The following LMLN variants were observed in gnomAD, a reference collection of about 807,000 sequenced individuals.
LMLN encodes the protein leishmanolysin-like peptidase.
Under a neutral mutation model 92.3 loss-of-function variants are expected in LMLN, and 70 were observed. That is an observed-to-expected ratio of 0.76 (90% CI 0.63 to 0.92). The LOEUF (loss-of-function observed/expected upper bound fraction) is 0.92, where lower values mean the gene tolerates loss of function less well. Among genes scored for constraint, LMLN ranks in the 40% least tolerant of loss-of-function variants. The probability of loss-of-function intolerance (pLI) is 0.00; values close to 1 mark genes in which losing one functional copy is unlikely to be tolerated. For synonymous variants in LMLN, 308 were observed against 296.2 expected (o/e 1.04, Z -0.41); for missense variants, 691 against 814.6 (o/e 0.85, Z 1.85).
chr3:198,013,215 C>T (rs1722503513), intron 11 of LMLN, among the ~76,000 whole-genome samples: 2 of 112,586 alleles, frequency 1.8e-5, no homozygotes, highest in African/African-American at 1.0e-4. Context: ...CCCTTCAGAG[C>T]CCCTTAACTA....
At chr3:198,027,668 A>C (rs1011460840) in intron 14 of LMLN, among the ~76,000 whole-genome samples, 4 of 152,178 alleles carry the variant, frequency 2.6e-5, no homozygotes, top group Admixed American at 2.6e-4. Flanking sequence ...GTTCATCCAC[A>C]TTGTGCCATG....
At chr3:198,011,123 A>ATT (rs950454479) in intron 11 of LMLN, among the ~76,000 whole-genome samples, 1 of 148,348 alleles carries the variant, frequency 6.7e-6, no homozygotes, top group Non-Finnish European at 1.5e-5. Context: ...TAAGTTTTTT[A>ATT]TTTTTTTTTA....
exon 16 of LMLN, chr3:198,043,696 C>A (rs1454801602): frequency 6.6e-6 from 1 of 152,460 alleles, no homozygotes; most frequent in East Asian, 1.9e-4. Context: ...TAGAAAAACA[C>A]AACTTTAATA....
chr3:198,033,909 ATTGT>A (rs901863828), intron 14 of LMLN, among the ~76,000 whole-genome samples: 6 of 152,214 alleles, frequency 3.9e-5, no homozygotes, highest in African/African-American at 9.7e-5. Flanking sequence ...GTCACACTTC[ATTGT>A]TTGTTTTTGT....
intron 15 of LMLN, among the ~76,000 whole-genome samples, chr3:198,037,118 CA>C: frequency 6.6e-6 from 1 of 152,156 alleles, no homozygotes; most frequent in Non-Finnish European, 1.5e-5. Flanking sequence ...GTTGGTTCAC[CA>C]GAAGGACTCA....
rs1376151403 is a variant in LMLN at position 197,991,495 on chromosome 3, A to G, written c.1047+819A>G. On this transcript the variant is annotated intron_variant, in intron 9 of 15. Coordinates refer to ENST00000330198, the Ensembl canonical transcript of LMLN. Reference sequence around the variant, plus strand: ...GGATAGGCCAGCAGGCTGGAGACTCAGGGGATTGTTGCCCTTGGAGTCCAA... The same window carrying G: ...GGATAGGCCAGCAGGCTGGAGACTCGGGGGATTGTTGCCCTTGGAGTCCAA... Among the ~76,000 whole-genome samples the G allele has an allele frequency of 3.9e-5, 6 of 152,268 alleles. No homozygotes were observed. The East Asian group carries it at 9.7e-4, about 25-fold the overall frequency.
chr3:197,982,041 G>A (rs1721571789), intron 6 of LMLN, among the ~76,000 whole-genome samples: 1 of 152,008 alleles, frequency 6.6e-6, no homozygotes, highest in Admixed American at 6.6e-5. Context: ...CCTGACCTCA[G>A]GTGATCTGCC....
At chr3:197,961,314 T>C (rs1246996518) in intron 1 of LMLN, among the ~76,000 whole-genome samples, 2 of 152,156 alleles carry the variant, frequency 1.3e-5, no homozygotes, top group African/African-American at 4.8e-5. Flanking sequence ...CCATATTCTT[T>C]GAGAAAGGGA....
intron 13 of LMLN, among the ~76,000 whole-genome samples, chr3:198,023,114 A>C (rs1399285308): frequency 6.6e-6 from 1 of 152,168 alleles, no homozygotes; most frequent in East Asian, 1.9e-4. Flanking sequence ...AAGCAGTTAC[A>C]GACAGTATGT....
chr3:198,027,619 T>C (rs1394099422), intron 14 of LMLN, among the ~76,000 whole-genome samples: 1 of 152,208 alleles, frequency 6.6e-6, no homozygotes, highest in Non-Finnish European at 1.5e-5. Context: ...GTTTGTCCTT[T>C]TGTACCTGAC....
rs767458777 is a variant in LMLN, at chr3:198,035,825, G to A, written c.1657-8G>A. On this transcript the variant is annotated splice_region_variant and splice_polypyrimidine_tract_variant and intron_variant, in intron 14 of 15. Coordinates refer to ENST00000330198, the Ensembl canonical transcript of LMLN. The stretch of plus-strand genomic sequence containing the variant: ...ATTTTTATATATCTATTTTTTTCCT[G>A]TTTGAAGGTTTCTTGTTCTCCTCAA... 2 of 1,605,516 alleles carry A rather than the reference G, an allele frequency of 1.2e-6. No homozygotes were observed. Among genetic ancestry groups the A allele is most frequent in the East Asian group, 2.2e-5 (1 of 44,850 alleles).
intron 8 of LMLN, among the ~76,000 whole-genome samples, chr3:197,987,451 G>T (rs1721745841): frequency 1.3e-5 from 2 of 151,792 alleles, no homozygotes; most frequent in South Asian, 2.1e-4. Flanking sequence ...GAGCCACCGC[G>T]CCCGGCCAAA....
At position 198,039,034 on chromosome 3, in the gene LMLN, ACCAACCACTTTCATCTGCAAC is replaced by A. The variant is rs371850668; in HGVS notation, c.*383_*403del. ...AGCAACCCAACCACCTCATCAGCAA[ACCAACCACTTTCATCTGCAAC>A]CCAACCACTTTCATCAGCAACTCAA... On this transcript the variant is annotated 3_prime_UTR_variant, in exon 16 of 16. Transcript: ENST00000330198. The A allele has an allele frequency of 7.3e-3, 1,502 of 206,860 alleles. 24 individuals are homozygous for A. The highest frequency in any genetic ancestry group is 0.033 in the African/African-American group (1,422 of 43,084). 12.8% of individuals were successfully genotyped at this position (206,860 alleles called of 1,614,324 possible). A position where few individuals can be genotyped will look rare whatever the true frequency, so the allele number is the denominator to read the frequency against.
chr3:198,036,152 C>T, intron 15 of LMLN, 109 bp downstream of exon 16: 1 of 943,110 alleles, frequency 1.1e-6, no homozygotes, highest in South Asian at 1.5e-5. Flanking sequence ...AGTTGAGTTT[C>T]TTCTCTGCTG....
At chr3:197,973,678 T>C (rs941080422) in intron 1 of LMLN, among the ~76,000 whole-genome samples, 1 of 152,250 alleles carries the variant, frequency 6.6e-6, no homozygotes, top group Admixed American at 6.5e-5. Flanking sequence ...TGTGAAAATC[T>C]GTGACTGTTA....
At chr3:198,030,398 G>T (rs1365766578) in intron 14 of LMLN, among the ~76,000 whole-genome samples, 2 of 152,038 alleles carry the variant, frequency 1.3e-5, no homozygotes, top group Admixed American at 6.6e-5. Flanking sequence ...TTACTTCCCC[G>T]TTCTCCCCAG....
chr3:198,021,063 C>T (rs1722768465), intron 12 of LMLN, among the ~76,000 whole-genome samples: 1 of 152,046 alleles, frequency 6.6e-6, no homozygotes, highest in African/African-American at 2.4e-5. Flanking sequence ...AACGTATAAA[C>T]TGCCTCCTAA....
rs145023888 is a variant in LMLN at position 197,987,414 on chromosome 3, C to T, written c.929+1524C>T. On this transcript the variant is annotated intron_variant, in intron 8 of 15. Transcript: ENST00000330198. The stretch of plus-strand genomic sequence containing the variant: ...GACCTCGTGATCCACCCCTCTCGGC[C>T]TCCCAAAGTGCTGGGATTACAGGCG... Among the ~76,000 whole-genome samples, 542 of 152,222 alleles carry T rather than the reference C, an allele frequency of 3.6e-3. 23 individuals are homozygous for T. In the East Asian group the frequency reaches 0.056, roughly 16 times the overall value.
intron 11 of LMLN, among the ~76,000 whole-genome samples, chr3:198,001,444 A>AG (rs1222057079): frequency 2.6e-5 from 4 of 152,188 alleles, no homozygotes; most frequent in Non-Finnish European, 5.9e-5. Context: ...GCTCATCGAC[A>AG]TGTACCTTCA....
Sources: allele counts gnomAD v4.1 joint callset (sites outside exome capture counted in the v4.1 genomes callset), GRCh38; gene constraint gnomAD v4.1.1; transcripts MANE v1.5; gene names NCBI Gene and HGNC (gene_info 2026-07-23, HGNC 2026-07-21).